Variants in HMCN2 observed in about 807,000 individuals in gnomAD.
The protein encoded by HMCN2 is hemicentin 2.
Under a neutral mutation model 377.5 loss-of-function variants are expected in HMCN2, and 325 were observed. That is an observed-to-expected ratio of 0.86 (90% CI 0.79 to 0.94). The LOEUF (loss-of-function observed/expected upper bound fraction) is 0.94, where lower values mean the gene tolerates loss of function less well. HMCN2 is among the 40% of genes least tolerant of loss of function. The pLI is 0.00. For missense variants in HMCN2, 4,543 were observed against 4,725.3 expected, an observed-to-expected ratio of 0.96 and a Z score of 1.13; for synonymous variants, 2,007 against 2,046.8, an observed-to-expected ratio of 0.98 and a Z score of 0.53.
chr9:130,295,753 C>T lies in HMCN2; in HGVS notation c.872C>T (p.Pro291Leu), dbSNP rs150187727. Reference sequence around the variant, plus strand: ...GTCGTAGCCTTTAAGCCTGAGCATCCGGGGCTGTGGTCCATCAAGGTAGGG... The same window carrying T: ...GTCGTAGCCTTTAAGCCTGAGCATCTGGGGCTGTGGTCCATCAAGGTAGGG... The part of the protein sequence containing the change: ...AKVVAFKPEH[P>L]GLWSIKVYSS... The change falls in exon 6 of 98, where the codon CCG becomes CTG. Residue 291 changes from proline to leucine, a missense_variant. Physicochemically the swap from Pro to Leu is moderately conservative, Grantham distance 98. This residue lies in a region of HMCN2 where 547 missense variants were observed against 189.9 expected (regional missense o/e 2.88). Transcript: ENST00000683500. 54 of 470,978 alleles carry T rather than the reference C, an allele frequency of 1.1e-4. No homozygotes were observed. The highest frequency in any genetic ancestry group is 9.6e-4 in the African/African-American group (48 of 50,166). 29.2% of individuals were successfully genotyped at this position (470,978 alleles called of 1,614,324 possible).
chr9:130,333,848 G>A lies in HMCN2; in HGVS notation c.3360-4046G>A, dbSNP rs908570078. 8.5e-5 allele frequency among the ~76,000 whole-genome samples: 13 copies of A among 152,318 alleles called. No homozygotes were observed. In the East Asian group the frequency reaches 1.2e-3, roughly 14 times the overall value. ...TTCCCTGAGTCTCCGCAGAGCATGCGCAGGGTCATGATAAGGCATCTCTCT... is the reference window on the plus strand; with the variant it reads ...TTCCCTGAGTCTCCGCAGAGCATGCACAGGGTCATGATAAGGCATCTCTCT... On this transcript the variant is annotated intron_variant, in intron 22 of 97. Transcript: ENST00000683500.
rs375094999 is a variant in HMCN2, at chr9:130,395,875, C to T, written c.10912-49C>T. 74 of 1,247,088 alleles carry T rather than the reference C, an allele frequency of 5.9e-5. 1 individual carries two copies. Among genetic ancestry groups the T allele is most frequent in the East Asian group, 5.7e-4 (10 of 17,448 alleles). 77.3% of individuals were successfully genotyped at this position (1,247,088 alleles called of 1,614,324 possible). Reference sequence around the variant, plus strand: ...CCACATCTGCTGCCGGGTGGCCTGACGCAGCTGGGCACTGATAAGGGTCTG... The same window carrying T: ...CCACATCTGCTGCCGGGTGGCCTGATGCAGCTGGGCACTGATAAGGGTCTG... On this transcript the variant is annotated intron_variant, in intron 71 of 97. Transcript: ENST00000683500.
At chr9:130,424,311 TG>T (rs1157267196) in intron 87 of HMCN2, among the ~76,000 whole-genome samples, 1 of 151,222 alleles carries the variant, frequency 6.6e-6, no homozygotes, top group Non-Finnish European at 1.5e-5. Context: ...CCCAAGTAGC[TG>T]GGACTACAGA....
At position 130,431,497 on chromosome 9, in the gene HMCN2, C is replaced by G. The variant is rs1588455294; in HGVS notation, c.14767+11C>G. 1 of 1,547,038 alleles carries G rather than the reference C, an allele frequency of 6.5e-7. No homozygotes were observed. Among genetic ancestry groups the G allele is most frequent in the East Asian group, 2.4e-5 (1 of 40,906 alleles). On this transcript the variant is annotated intron_variant, in intron 96 of 97. Transcript: ENST00000683500. ...GGAAGAACTGCCAGGGTGAGCCGGGCTCAGGCCGCCGCCCAAACACCCGTG... is the reference window on the plus strand; with the variant it reads ...GGAAGAACTGCCAGGGTGAGCCGGGGTCAGGCCGCCGCCCAAACACCCGTG...
In HMCN2 at chr9:130,308,479, G is replaced by T. The variant is rs536431732; in HGVS notation, c.2200+913G>T. 6.6e-6 allele frequency among the ~76,000 whole-genome samples: 1 copy of T among 152,138 alleles called. No individual in the cohort carries two copies. Among genetic ancestry groups the T allele is most frequent in the African/African-American group, 2.4e-5 (1 of 41,416 alleles). On this transcript the variant is annotated intron_variant, in intron 14 of 97. Transcript: ENST00000683500. The surrounding 1 kb of genome is among the most constrained non-coding windows in gnomAD (Gnocchi z 4.1). ...CACTAGGTCTTTCTGGGAGCAGTACGCTGGGCTCCCTCTCGAGGGTCAACC... is the reference window on the plus strand; with the variant it reads ...CACTAGGTCTTTCTGGGAGCAGTACTCTGGGCTCCCTCTCGAGGGTCAACC...
At position 130,304,977 on chromosome 9, in the gene HMCN2, G is replaced by A. The variant is rs1554936191; in HGVS notation, c.1791G>A (p.Arg597=). The A allele has an allele frequency of 4.2e-6, 2 of 470,814 alleles. No homozygotes were observed. The highest frequency in any genetic ancestry group is 3.1e-5 in the South Asian group (2 of 64,554). 29.2% of individuals were successfully genotyped at this position (470,814 alleles called of 1,614,324 possible). ...CCAGCAATGCCAATGGGGTCACAAG[G>A]GCATCCGTCTGGCTCCTGGTGCGAG... ...CVASNANGVT[R]ASVWLLVREA... is the part of the protein sequence containing the mutation. Residue 597 remains arginine (R), a synonymous_variant, in exon 11 of 98, where the codon AGG becomes AGA. Transcript: ENST00000683500. The surrounding 1 kb of genome is among the most constrained non-coding windows in gnomAD (Gnocchi z 4.3).
intron 7 of HMCN2, among the ~76,000 whole-genome samples, chr9:130,298,620 A>C (rs1196267171): frequency 6.6e-6 from 1 of 152,168 alleles, no homozygotes; most frequent in Non-Finnish European, 1.5e-5. Context: ...AAACCTGAAC[A>C]CGGGGAGAGT....
At chr9:130,386,612 C>A in intron 61 of HMCN2, 88 bp downstream of exon 61, 1 of 819,422 alleles carries the variant, frequency 1.2e-6, no homozygotes, top group Non-Finnish European at 1.7e-6. Flanking sequence ...AATAGCTGGG[C>A]AGAGGCAGTG....
At chr9:130,410,524 A>G in intron 84 of HMCN2, 47 bp from the exon 85 acceptor site, 2 of 1,528,360 alleles carry the variant, frequency 1.3e-6, no homozygotes, top group South Asian at 1.2e-5. Context: ...TGAGCCACTC[A>G]TCTTCTTCTC....
chr9:130,363,439 C>T (rs895460613), intron 40 of HMCN2, among the ~76,000 whole-genome samples: 2 of 152,172 alleles, frequency 1.3e-5, no homozygotes, highest in Non-Finnish European at 1.5e-5. Context: ...CTCACTAAGC[C>T]TCTGAGCTCA....
chr9:130,379,268 G>C lies in HMCN2; in HGVS notation c.8232G>C (p.Lys2744Asn). 1 of 985,752 alleles carries C rather than the reference G, an allele frequency of 1.0e-6. No homozygotes were observed. The highest frequency in any genetic ancestry group is 1.2e-6 in the Non-Finnish European group (1 of 829,930). 61.1% of individuals were successfully genotyped at this position (985,752 alleles called of 1,614,324 possible). ...VLIQVPPMFQ[K>N]VGDFSAAFEI... ...ACCCAGTGCCCCCCATGTTCCAGAAGGTGGGTGATTTCAGTGCAGCCTTCG... is the reference window on the plus strand; with the variant it reads ...ACCCAGTGCCCCCCATGTTCCAGAACGTGGGTGATTTCAGTGCAGCCTTCG... The change falls in exon 54 of 98, where the codon AAG becomes AAC. Residue 2744 changes from lysine (K) to asparagine (N), a missense_variant. This residue lies in a region of HMCN2 where 736 missense variants were observed against 773.2 expected (regional missense o/e 0.95). Transcript: ENST00000683500.
At chr9:130,400,547 A>G in intron 76 of HMCN2, 1 of 230,940 alleles carries the variant, frequency 4.3e-6, no homozygotes, top group East Asian at 1.5e-4. Context: ...CCTGGGCAAC[A>G]TACTGAGACC....
intron 49 of HMCN2, among the ~76,000 whole-genome samples, chr9:130,375,115 ATC>A (rs1456153485): frequency 6.6e-6 from 1 of 152,186 alleles, no homozygotes; most frequent in Non-Finnish European, 1.5e-5. Flanking sequence ...GCTTAGAAAA[ATC>A]TGTTTCTAAA....
At chr9:130,410,694 C>A in intron 85 of HMCN2, 42 bp downstream of exon 85, 8 of 1,527,434 alleles carry the variant, frequency 5.2e-6, no homozygotes, top group Non-Finnish European at 7.1e-6. Flanking sequence ...GGGAAGTGTG[C>A]TCGGGGACAG....
Position 130,395,311 on chromosome 9 carries a change from C to T in HMCN2, c.10875C>T (p.Pro3625=). ...GTTCGGTGGAGGCAGAGCCAGCGCCCAAGATCACGTGGCACCGAGACGGCA... is the reference window on the plus strand; with the variant it reads ...GTTCGGTGGAGGCAGAGCCAGCGCCTAAGATCACGTGGCACCGAGACGGCA... ...LECSVEAEPA[P]KITWHRDGIV... The change falls in exon 71 of 98, where the codon CCC becomes CCT. Residue 3625 remains proline, a synonymous_variant. Coordinates refer to ENST00000683500, the MANE Select transcript of HMCN2 (RefSeq NM_001291815.2). 7.8e-7 allele frequency: 1 copy of T among 1,289,426 alleles called. No individual in the cohort carries two copies. The highest frequency in any genetic ancestry group is 1.0e-6 in the Non-Finnish European group (1 of 988,692). The allele number at this position is 1,289,426 out of a possible 1,614,324, so 79.9% of individuals were successfully genotyped here.
At chr9:130,388,708 T>A (rs1315980531) in intron 62 of HMCN2, among the ~76,000 whole-genome samples, 168 bp downstream of exon 62, 4 of 143,972 alleles carry the variant, frequency 2.8e-5, no homozygotes, top group African/African-American at 1.0e-4. Flanking sequence ...AGTGAAGCGT[T>A]GTTTATTGGC....
chr9:130,346,866 T>TAA (rs1839419024), intron 25 of HMCN2, among the ~76,000 whole-genome samples: 1 of 152,004 alleles, frequency 6.6e-6, no homozygotes, highest in Non-Finnish European at 1.5e-5. Flanking sequence ...GGTGCAATTC[T>TAA]AAATGAGGGG....
chr9:130,373,608 GAT>G (rs1468504117), intron 48 of HMCN2, among the ~76,000 whole-genome samples: 205 of 4,354 alleles, frequency 0.047, 4 homozygotes, highest in South Asian at 0.067. Flanking sequence ...TGGGTGGGTG[GAT>G]GGATGGATGG....
chr9:130,392,759 G>T (rs888820589), intron 66 of HMCN2, among the ~76,000 whole-genome samples: 1 of 152,166 alleles, frequency 6.6e-6, no homozygotes, highest in Non-Finnish European at 1.5e-5. Context: ...CACTTTGGGA[G>T]GCCAAGGCGG....
Sources: gnomAD v4.1 joint callset for allele counts (sites outside exome capture counted in the v4.1 genomes callset) on GRCh38, gnomAD v4.1.1 for gene constraint, gnomAD v4.1.1 regional missense constraint, Gnocchi (gnomAD v3.1) non-coding constraint, MANE v1.5 for transcripts, NCBI Gene and HGNC (gene_info 2026-07-23, HGNC 2026-07-21) for gene names.